Variants in CDH1 observed in about 807,000 individuals in gnomAD.
CDH1 encodes the protein cadherin-1.
In CDH1, 35 loss-of-function variants were observed where a neutral mutation model predicts 84.5. The ratio of observed to expected loss-of-function variants is 0.41; its 90% CI spans 0.32 to 0.55. The LOEUF is 0.55. Among genes scored for constraint, CDH1 ranks in the 20% least tolerant of loss-of-function variants. The pLI is 0.19. For synonymous variants in CDH1, 417 were observed against 439.0 expected, an observed-to-expected ratio of 0.95 and a Z score of 0.63; for missense variants, 994 against 1,126.6, an observed-to-expected ratio of 0.88 and a Z score of 1.68.
At chr16:68,779,915 C>A (rs1959828986) in intron 2 of CDH1, among the ~76,000 whole-genome samples, 1 of 152,034 alleles carries the variant, frequency 6.6e-6, no homozygotes, top group South Asian at 2.1e-4. Flanking sequence ...TGTTTCCAAT[C>A]CCCCCATCCC....
At chr16:68,807,677 A>G (rs1187713599) in intron 3 of CDH1, among the ~76,000 whole-genome samples, 1 of 152,126 alleles carries the variant, frequency 6.6e-6, no homozygotes, top group Non-Finnish European at 1.5e-5. Context: ...TGACAGAGCA[A>G]GACCCTGTCT....
At chr16:68,824,325 G>T (rs990351200) in intron 13 of CDH1, among the ~76,000 whole-genome samples, 6 of 152,096 alleles carry the variant, frequency 3.9e-5, no homozygotes, top group African/African-American at 1.2e-4. Flanking sequence ...CAGCTCCCAG[G>T]CGGTACTGAT....
intron 9 of CDH1, among the ~76,000 whole-genome samples, chr16:68,814,707 C>T (rs981164447): frequency 6.6e-6 from 1 of 152,090 alleles, no homozygotes; most frequent in African/African-American, 2.4e-5. Context: ...TGCTCTTGTG[C>T]TGGTTTATTT....
intron 6 of CDH1, 118 bp downstream of exon 6, chr16:68,810,459 C>A: frequency 4.3e-6 from 4 of 938,544 alleles, no homozygotes; most frequent in Non-Finnish European, 6.8e-6. Context: ...ACGGACAGAA[C>A]TTCTTGGCAA....
intron 2 of CDH1, among the ~76,000 whole-genome samples, chr16:68,768,920 C>T (rs1959464082): frequency 6.6e-6 from 1 of 152,210 alleles, no homozygotes; most frequent in Non-Finnish European, 1.5e-5. Flanking sequence ...GAGCACCCTT[C>T]CCCCAGGCAT....
chr16:68,743,667 C>T (rs1166528145), intron 2 of CDH1, among the ~76,000 whole-genome samples: 2 of 152,026 alleles, frequency 1.3e-5, no homozygotes, highest in Non-Finnish European at 2.9e-5. Context: ...AGCCGGGCCC[C>T]TTCCTGGGTT....
intron 2 of CDH1, among the ~76,000 whole-genome samples, chr16:68,792,505 T>C (rs1287217234): frequency 2.0e-5 from 3 of 152,210 alleles, no homozygotes; most frequent in Non-Finnish European, 4.4e-5. Flanking sequence ...ATTATAGGCG[T>C]GAGCCAGTAC....
intron 13 of CDH1, among the ~76,000 whole-genome samples, chr16:68,826,312 A>G (rs559700331): frequency 6.6e-6 from 1 of 150,812 alleles, no homozygotes; most frequent in East Asian, 2.0e-4. Context: ...TTCTATGATT[A>G]TTTTTTCTTT....
intron 10 of CDH1, among the ~76,000 whole-genome samples, chr16:68,818,375 T>G (rs913094867): frequency 6.6e-6 from 1 of 152,028 alleles, no homozygotes; most frequent in African/African-American, 2.4e-5. Context: ...TATTTGCAGA[T>G]GGTTCAGCAG....
intron 2 of CDH1, among the ~76,000 whole-genome samples, chr16:68,748,232 C>A (rs956038408): frequency 3.3e-5 from 5 of 151,600 alleles, no homozygotes; most frequent in African/African-American, 1.2e-4. Context: ...CCTGCTTCAG[C>A]CTCCAGAGTA....
chr16:68,751,169 C>A (rs1052168899), intron 2 of CDH1, among the ~76,000 whole-genome samples: 1 of 152,180 alleles, frequency 6.6e-6, no homozygotes, highest in Non-Finnish European at 1.5e-5. Flanking sequence ...ATCACGCCTG[C>A]TCCAAATTAC....
At chr16:68,791,769 A>T (rs1960215304) in intron 2 of CDH1, among the ~76,000 whole-genome samples, 2 of 152,086 alleles carry the variant, frequency 1.3e-5, no homozygotes, top group Non-Finnish European at 2.9e-5. Context: ...TGAAAGCCCC[A>T]TGAGGTCAGG....
intron 13 of CDH1, 36 bp from the exon 14 acceptor site, chr16:68,828,138 C>A (rs1469725139): frequency 6.2e-7 from 1 of 1,612,606 alleles, no homozygotes; most frequent in Non-Finnish European, 8.5e-7. Context: ...TTATCTTTGG[C>A]TCTCAACACT....
At chr16:68,787,508 ATT>A (rs879379287) in intron 2 of CDH1, among the ~76,000 whole-genome samples, 5 of 144,776 alleles carry the variant, frequency 3.5e-5, no homozygotes, top group African/African-American at 7.6e-5. Flanking sequence ...TTAGTTGTTG[ATT>A]TTTTTTTTTT....
At chr16:68,753,145 G>A (rs1383991203) in intron 2 of CDH1, among the ~76,000 whole-genome samples, 1 of 146,518 alleles carries the variant, frequency 6.8e-6, no homozygotes, top group African/African-American at 2.5e-5. Flanking sequence ...CCTGGGAGGT[G>A]GAGGTTGCAG....
At chr16:68,756,409 G>A (rs1421510449) in intron 2 of CDH1, among the ~76,000 whole-genome samples, 1 of 152,104 alleles carries the variant, frequency 6.6e-6, no homozygotes, top group East Asian at 1.9e-4. Flanking sequence ...GACATTGAGA[G>A]GCCTCTCCTG....
At chr16:68,765,950 C>A (rs2152119966) in intron 2 of CDH1, among the ~76,000 whole-genome samples, 1 of 152,198 alleles carries the variant, frequency 6.6e-6, no homozygotes, top group African/African-American at 2.4e-5. Context: ...TTTAGTGTTT[C>A]ACATCACCCC....
chr16:68,750,708 G>GTTTTT (rs760443205), intron 2 of CDH1, among the ~76,000 whole-genome samples: 1 of 136,984 alleles, frequency 7.3e-6, no homozygotes. Context: ...TTTCTCCTTG[G>GTTTTT]TTTTTTTTTT....
rs560751187 is a variant in CDH1, at chr16:68,805,152, T to TTTACTTTTCTTTTCTTC, written c.387+3262_388-3253dup. On this transcript the variant is annotated intron_variant, in intron 3 of 15. Coordinates refer to ENST00000261769, the MANE Select transcript of CDH1 (RefSeq NM_004360.5). ...TCTGGCATCCTTCCTTTCTTTTCTT[T>TTTACTTTTCTTTTCTTC]TTACTTTTCTTTTCTTCTTCTTCCA... Among the ~76,000 whole-genome samples the TTTACTTTTCTTTTCTTC allele has an allele frequency of 7.7e-4, 117 of 152,098 alleles. 1 individual carries two copies. Among genetic ancestry groups the TTTACTTTTCTTTTCTTC allele is most frequent in the African/African-American group, 2.7e-3 (114 of 41,492 alleles).
Sources: allele counts gnomAD v4.1 joint callset (sites outside exome capture counted in the v4.1 genomes callset), GRCh38; gene constraint gnomAD v4.1.1; transcripts MANE v1.5; gene names NCBI Gene and HGNC (gene_info 2026-07-23, HGNC 2026-07-21).